VAT1L: variants seen among roughly 807,000 people sequenced by gnomAD.
VAT1L encodes the protein putative NADPH-dependent quinone oxidoreductase VAT1L.
Under a neutral mutation model 44.1 loss-of-function variants are expected in VAT1L, and 34 were observed. That is an observed-to-expected ratio of 0.77 (90% CI 0.59 to 1.03). The LOEUF (loss-of-function observed/expected upper bound fraction) is 1.03, where lower values mean the gene tolerates loss of function less well. Ranked by LOEUF, VAT1L falls within the 50% of genes least tolerant of loss-of-function variation. The probability of loss-of-function intolerance (pLI) is 0.00; values close to 1 mark genes in which losing one functional copy is unlikely to be tolerated. For synonymous variants in VAT1L, 253 were observed against 202.2 expected (o/e 1.25, Z -2.13); for missense variants, 615 against 538.8 (o/e 1.14, Z -1.40).
rs576092229 is a variant in VAT1L at position 77,943,967 on chromosome 16, G to A, written c.1078-27883G>A. 1.1e-4 allele frequency among the ~76,000 whole-genome samples: 16 copies of A among 152,262 alleles called. 1 individual carries two copies. The highest frequency in any genetic ancestry group is 3.6e-4 in the African/African-American group (15 of 41,550). On this transcript the variant is annotated intron_variant, in intron 7 of 8. Transcript: ENST00000302536. ...TGATGCCACCTGCCTTTGCCTACCT[G>A]TTGCTTGGCTACAGACCTGGCTCCC...
chr16:77,939,395 C>T (rs191237043), intron 7 of VAT1L, among the ~76,000 whole-genome samples: 213 of 144,754 alleles, frequency 1.5e-3, no homozygotes, highest in Non-Finnish European at 2.4e-3. Context: ...CGGAGGCGGG[C>T]GGGGTGGGGA....
At chr16:77,837,072 A>G (rs759929310) in intron 3 of VAT1L, among the ~76,000 whole-genome samples, 2 of 152,186 alleles carry the variant, frequency 1.3e-5, no homozygotes, top group Non-Finnish European at 1.5e-5. Context: ...CTTTGAATAC[A>G]GAGCCCATGT....
chr16:77,874,978 C>T (rs541231966), intron 4 of VAT1L, among the ~76,000 whole-genome samples: 1 of 152,130 alleles, frequency 6.6e-6, no homozygotes, highest in African/African-American at 2.4e-5. Flanking sequence ...CCACCACAGA[C>T]CTACAGGATC....
chr16:77,955,720 C>CTG (rs140188376), intron 7 of VAT1L, among the ~76,000 whole-genome samples: 1 of 124,292 alleles, frequency 8.0e-6, no homozygotes, highest in Non-Finnish European at 1.7e-5. Context: ...GGCTCCATAT[C>CTG]CCCCCCCCCA....
intron 7 of VAT1L, among the ~76,000 whole-genome samples, chr16:77,950,617 A>T (rs1330760809): frequency 6.6e-6 from 1 of 152,202 alleles, no homozygotes; most frequent in Non-Finnish European, 1.5e-5. Context: ...GTTAATGAGA[A>T]ATGGGAAGCA....
chr16:77,933,061 A>G (rs557817463), intron 7 of VAT1L, among the ~76,000 whole-genome samples: 83 of 152,272 alleles, frequency 5.5e-4, no homozygotes, highest in African/African-American at 1.9e-3. Context: ...GTTTAGGAAA[A>G]AGAGAACCAG....
At position 77,888,634 on chromosome 16, in the gene VAT1L, A is replaced by G. The variant is rs114089617; in HGVS notation, c.1077+3832A>G. Among the ~76,000 whole-genome samples the G allele has an allele frequency of 2.5e-3, 384 of 152,320 alleles. 2 individuals carry two copies. Among genetic ancestry groups the G allele is most frequent in the African/African-American group, 8.6e-3 (358 of 41,572 alleles). On this transcript the variant is annotated intron_variant, in intron 7 of 8. Coordinates refer to ENST00000302536, the MANE Select transcript of VAT1L (RefSeq NM_020927.3). Reference sequence around the variant, plus strand: ...GGGCTGAATAATTTTTTTGCTGGGTAGGGAGGGACTGCCCTGCGCACTGTA... The same window carrying G: ...GGGCTGAATAATTTTTTTGCTGGGTGGGGAGGGACTGCCCTGCGCACTGTA...
chr16:77,965,900 T>C (rs914477826), intron 7 of VAT1L, among the ~76,000 whole-genome samples: 1 of 152,162 alleles, frequency 6.6e-6, no homozygotes, highest in Admixed American at 6.5e-5. Context: ...GTAGACACCA[T>C]TGTCCTGCCC....
rs1251245300 is a variant in VAT1L at position 77,884,858 on chromosome 16, T to C, written c.1077+56T>C. 5 of 1,420,850 alleles carry C rather than the reference T, an allele frequency of 3.5e-6. No homozygotes were observed. The highest frequency in any genetic ancestry group is 4.6e-6 in the Non-Finnish European group (5 of 1,084,654). The allele number at this position is 1,420,850 out of a possible 1,614,324, so 88.0% of individuals were successfully genotyped here. On this transcript the variant is annotated intron_variant, in intron 7 of 8. Transcript: ENST00000302536. The surrounding 1 kb of genome is among the most constrained non-coding windows in gnomAD (Gnocchi z 4.5). ...ACTCCTCTTTTTAACTCAGGAAGGT[T>C]TGGGCAGCCAAATACAATCTTCTAC... is the stretch of plus-strand genomic sequence containing the variant.
At chr16:77,888,072 C>A (rs147849420) in intron 7 of VAT1L, among the ~76,000 whole-genome samples, 1 of 152,158 alleles carries the variant, frequency 6.6e-6, no homozygotes. Context: ...CTCCTTTTCC[C>A]AATTTTTGAC....
chr16:77,838,807 CCTT>C (rs972095696), intron 3 of VAT1L, among the ~76,000 whole-genome samples: 3 of 151,034 alleles, frequency 2.0e-5, no homozygotes, highest in Admixed American at 6.6e-5. Context: ...TCATTTCTTT[CCTT>C]CTTCTTTTCC....
At chr16:77,795,793 C>T (rs1031073339) in intron 1 of VAT1L, among the ~76,000 whole-genome samples, 3 of 146,052 alleles carry the variant, frequency 2.1e-5, no homozygotes, top group Admixed American at 1.4e-4. Flanking sequence ...TTCAGCAAGT[C>T]GCTTAGCTCC....
intron 3 of VAT1L, among the ~76,000 whole-genome samples, chr16:77,856,696 G>C (rs2016862935): frequency 1.3e-5 from 2 of 152,186 alleles, no homozygotes; most frequent in African/African-American, 4.8e-5. Flanking sequence ...TCTGCAATAA[G>C]GATTGAGTTG....
intron 7 of VAT1L, among the ~76,000 whole-genome samples, chr16:77,931,231 C>A (rs556134571): frequency 3.3e-4 from 50 of 152,196 alleles, no homozygotes; most frequent in African/African-American, 1.2e-3. Context: ...GGCAGCCTAG[C>A]TTTATATAAA....
intron 7 of VAT1L, among the ~76,000 whole-genome samples, chr16:77,900,825 C>G (rs1008360958): frequency 1.3e-5 from 2 of 152,144 alleles, no homozygotes; most frequent in African/African-American, 4.8e-5. Context: ...TTTTCCCTCT[C>G]TGACCACCAC....
At position 77,919,481 on chromosome 16, in the gene VAT1L, C is replaced by T. The variant is rs115451528; in HGVS notation, c.1077+34679C>T. Among the ~76,000 whole-genome samples, 511 of 152,230 alleles carry T rather than the reference C, an allele frequency of 3.4e-3. 5 individuals carry two copies. The highest frequency in any genetic ancestry group is 0.011 in the African/African-American group (464 of 41,528). ...ATACATGGAACTGAAAAACACCACC[C>T]GCTTCCCTGCTTAAGAGAGCTGGGG... is the stretch of plus-strand genomic sequence containing the variant. On this transcript the variant is annotated intron_variant, in intron 7 of 8. Coordinates refer to ENST00000302536, the MANE Select transcript of VAT1L (RefSeq NM_020927.3).
intron 8 of VAT1L, among the ~76,000 whole-genome samples, chr16:77,973,255 T>C (rs1302585709): frequency 6.6e-6 from 1 of 152,166 alleles, no homozygotes; most frequent in Non-Finnish European, 1.5e-5. Flanking sequence ...AGAATAGTAT[T>C]CATAAAGCAT....
At chr16:77,817,189 T>C (rs2016371282) in intron 2 of VAT1L, 139 bp downstream of exon 2, 14 of 1,331,648 alleles carry the variant, frequency 1.1e-5, no homozygotes, top group South Asian at 3.3e-5. Context: ...CTGTTGACAA[T>C]GTTTATAGTC....
intron 7 of VAT1L, among the ~76,000 whole-genome samples, chr16:77,963,655 G>A (rs1351734131): frequency 6.6e-6 from 1 of 151,986 alleles, no homozygotes; most frequent in Non-Finnish European, 1.5e-5. Context: ...GTCACCGAGA[G>A]GCTGGGGGAA....
Sources: gnomAD v4.1 joint callset for allele counts (sites outside exome capture counted in the v4.1 genomes callset) on GRCh38, gnomAD v4.1.1 for gene constraint, Gnocchi (gnomAD v3.1) non-coding constraint, MANE v1.5 for transcripts, NCBI Gene and HGNC (gene_info 2026-07-23, HGNC 2026-07-21) for gene names.